Variants in OAS2 observed in about 807,000 individuals in gnomAD.
The protein encoded by OAS2 is 2'-5'-oligoadenylate synthetase 2, also known as 2'-5'-oligoadenylate synthase 2.
In OAS2, 67 loss-of-function variants were observed where a neutral mutation model predicts 71.3. The observed-to-expected ratio is 0.94, with a 90% CI of 0.77 to 1.15. OAS2 has a LOEUF of 1.15. Among genes scored for constraint, OAS2 ranks in the 50% most tolerant of loss-of-function variants. The probability of loss-of-function intolerance (pLI) is 0.00; values close to 1 mark genes in which losing one functional copy is unlikely to be tolerated. For synonymous variants in OAS2, 327 were observed against 321.8 expected, an observed-to-expected ratio of 1.02 and a Z score of -0.17; for missense variants, 789 against 822.5, an observed-to-expected ratio of 0.96 and a Z score of 0.50.
In OAS2 at chr12:113,009,354, C is replaced by T; in HGVS notation, c.*99C>T. The T allele has an allele frequency of 6.5e-7, 1 of 1,537,852 alleles. No individual in the cohort carries two copies. Among genetic ancestry groups the T allele is most frequent in the Non-Finnish European group, 8.7e-7 (1 of 1,147,144 alleles). ...TTAACTCAGACACAAATAAAGGAAA[C>T]CCAGCTCACAGGAGCTTAAACAGCT... On this transcript the variant is annotated 3_prime_UTR_variant, in exon 10 of 10. Transcript: ENST00000392583.
At position 112,995,347 on chromosome 12, in the gene OAS2, T is replaced by C. The variant is rs373557258; in HGVS notation, c.500T>C (p.Leu167Ser). Residue 167 changes from leucine (L) to serine (S), a missense_variant, in exon 3 of 10, where the codon TTG becomes TCG. Leu to Ser is a moderately radical substitution (Grantham distance 145). Coordinates refer to ENST00000392583, the MANE Select transcript of OAS2 (RefSeq NM_002535.3). ...ATCTATCGAGAGCTCAAAAGATCCT[T>C]GGATAAGACAAATGCCAGTCCTGGT... Reference protein sequence around the residue: ...PWIYRELKRSLDKTNASPGEF... With the variant: ...PWIYRELKRSSDKTNASPGEF... The C allele has an allele frequency of 1.6e-5, 26 of 1,613,938 alleles. No individual in the cohort carries two copies. Among genetic ancestry groups the C allele is most frequent in the African/African-American group, 5.3e-5 (4 of 74,918 alleles).
At chr12:112,986,564 C>T (rs1197420863) in intron 1 of OAS2, among the ~76,000 whole-genome samples, 1 of 152,096 alleles carries the variant, frequency 6.6e-6, no homozygotes, top group African/African-American at 2.4e-5. Flanking sequence ...GCCTGTGCTG[C>T]TGGTGGTAAA....
chr12:112,987,438 G>T (rs1387495086), intron 2 of OAS2, 130 bp downstream of exon 2: 1 of 1,466,222 alleles, frequency 6.8e-7, no homozygotes, highest in Non-Finnish European at 9.0e-7. Flanking sequence ...TAGACCCTCA[G>T]GAGAGAAGAA....
intron 5 of OAS2, among the ~76,000 whole-genome samples, chr12:113,000,309 A>G (rs2136389717): frequency 6.6e-6 from 1 of 152,170 alleles, no homozygotes; most frequent in South Asian, 2.1e-4. Flanking sequence ...TTAGTTCCAA[A>G]CATCTCCTAA....
intron 8 of OAS2, 114 bp from the exon 9 acceptor site, chr12:113,007,591 A>T: frequency 1.2e-6 from 1 of 810,316 alleles, no homozygotes; most frequent in South Asian, 1.6e-5. Context: ...CAAGCTGCAG[A>T]GTGTGAGCAC....
At chr12:113,000,446 T>C (rs993961392) in intron 5 of OAS2, among the ~76,000 whole-genome samples, 2 of 152,034 alleles carry the variant, frequency 1.3e-5, no homozygotes, top group Non-Finnish European at 1.5e-5. Context: ...AACCACTGCA[T>C]AAGGCGGTCC....
At chr12:112,998,168 A>G in intron 4 of OAS2, 98 bp from the exon 5 acceptor site, 1 of 1,337,898 alleles carries the variant, frequency 7.5e-7, no homozygotes, top group East Asian at 2.4e-5. Context: ...ATCCAAATTC[A>G]AGTTGCCGGA....
intron 2 of OAS2, 191 bp downstream of exon 2, chr12:112,987,499 T>A (rs760951987): frequency 3.8e-5 from 54 of 1,432,238 alleles, no homozygotes; most frequent in Non-Finnish European, 4.8e-5. Context: ...TTCTCCCCCA[T>A]ACCCTGATTG....
In OAS2 at chr12:112,988,251, A is replaced by G. The variant is rs763445801; in HGVS notation, c.448+943A>G. The G allele has an allele frequency of 5.3e-5, 52 of 979,678 alleles. No individual in the cohort carries two copies. In the African/African-American group the frequency reaches 8.7e-4, roughly 16 times the overall value. 60.7% of individuals were successfully genotyped at this position (979,678 alleles called of 1,614,324 possible). A position where few individuals can be genotyped will look rare whatever the true frequency, so the allele number is the denominator to read the frequency against. ...CTGTTAAGAAGAAAATTCTTGGCCA[A>G]ATTGAATTTAATGGAGTTTAACTGA... On this transcript the variant is annotated intron_variant, in intron 2 of 9. Coordinates refer to ENST00000392583, the MANE Select transcript of OAS2 (RefSeq NM_002535.3).
At chr12:112,982,723 T>C (rs2044095602) in intron 1 of OAS2, among the ~76,000 whole-genome samples, 1 of 152,204 alleles carries the variant, frequency 6.6e-6, no homozygotes, top group African/African-American at 2.4e-5. Context: ...CTCTTCAATT[T>C]TTTTGGAATA....
intron 5 of OAS2, among the ~76,000 whole-genome samples, 185 bp downstream of exon 5, chr12:112,998,595 A>T (rs1339170942): frequency 6.6e-6 from 1 of 152,208 alleles, no homozygotes; most frequent in Non-Finnish European, 1.5e-5. Flanking sequence ...TACAAGTTCA[A>T]AATCAGGGTG....
chr12:112,999,245 CT>C (rs2044262872), intron 5 of OAS2, among the ~76,000 whole-genome samples: 1 of 152,220 alleles, frequency 6.6e-6, no homozygotes, highest in South Asian at 2.1e-4. Context: ...GGCCTTCCCC[CT>C]CCCATCCCCA....
At chr12:112,996,773 G>A (rs1315372510) in intron 3 of OAS2, among the ~76,000 whole-genome samples, 1 of 152,128 alleles carries the variant, frequency 6.6e-6, no homozygotes, top group African/African-American at 2.4e-5. Flanking sequence ...GGAGGGAGGA[G>A]GAGGATGGGT....
rs1188054780 is a variant in OAS2, at chr12:113,009,808, G to A, written c.*553G>A. On this transcript the variant is annotated 3_prime_UTR_variant, in exon 10 of 10. Transcript: ENST00000392583. ...GGTGGCTACAAAGATGACTGTGGAC[G>A]TGGGTTGCACTGGCCACCCAAGGAT... 1.9e-5 allele frequency: 19 copies of A among 986,872 alleles called. No individual in the cohort carries two copies. Among genetic ancestry groups the A allele is most frequent in the Non-Finnish European group, 2.2e-5 (18 of 831,106 alleles). The allele number at this position is 986,872 out of a possible 1,614,324, so 61.1% of individuals were successfully genotyped here.
At chr12:112,988,158 G>T (rs2044157768) in intron 2 of OAS2, 6 of 982,548 alleles carry the variant, frequency 6.1e-6, no homozygotes, top group Middle Eastern at 1.0e-3. Flanking sequence ...TGTCCTAAAA[G>T]TTCAGCCCAC....
intron 5 of OAS2, among the ~76,000 whole-genome samples, chr12:113,001,863 C>CAAAA (rs71086131): frequency 4.6e-5 from 1 of 21,812 alleles, no homozygotes; most frequent in Non-Finnish European, 8.7e-5. Context: ...CCCATCTCTA[C>CAAAA]AAAAAAAAAA....
intron 3 of OAS2, among the ~76,000 whole-genome samples, chr12:112,996,629 A>G (rs996179191): frequency 1.3e-5 from 2 of 152,104 alleles, no homozygotes; most frequent in African/African-American, 4.8e-5. Flanking sequence ...GCTCATGTTT[A>G]AGAGCCGAAC....
rs1270349250 is a variant in OAS2, at chr12:113,005,143, G to C, written c.1389G>C (p.Arg463Ser). The change falls in exon 7 of 10, where the codon AGG becomes AGC. Residue 463 changes from arginine (R) to serine (S), a missense_variant. Arg to Ser is a moderately radical substitution (Grantham distance 110, BLOSUM62 -1). Transcript: ENST00000392583. ...AGCCTCCCAAGTGGAAGGCTCCCAG[G>C]GTGCTGAGCTTCTCTCTGAAATCCA... is the stretch of plus-strand genomic sequence containing the variant. ...SFEPPKWKAP[R>S]VLSFSLKSKV... 1 of 1,614,114 alleles carries C rather than the reference G, an allele frequency of 6.2e-7. No homozygotes were observed. Among genetic ancestry groups the C allele is most frequent in the Non-Finnish European group, 8.5e-7 (1 of 1,180,010 alleles).
At chr12:112,994,263 G>C (rs1593200006) in intron 2 of OAS2, among the ~76,000 whole-genome samples, 1 of 152,266 alleles carries the variant, frequency 6.6e-6, no homozygotes, top group Middle Eastern at 3.4e-3. Flanking sequence ...AGAAGGATTT[G>C]AGACTGATCT....
Sources: allele counts gnomAD v4.1 joint callset (sites outside exome capture counted in the v4.1 genomes callset), GRCh38; gene constraint gnomAD v4.1.1; transcripts MANE v1.5; gene names NCBI Gene and HGNC (gene_info 2026-07-23, HGNC 2026-07-21).